Variants in EFCAB6 observed in about 807,000 individuals in gnomAD.
EFCAB6 encodes EF-hand calcium binding domain 6.
In EFCAB6, 156 loss-of-function variants were observed where a neutral mutation model predicts 169.8. That is an observed-to-expected ratio of 0.92 (90% CI 0.81 to 1.05). The LOEUF (loss-of-function observed/expected upper bound fraction) is 1.05. Ranked by LOEUF, EFCAB6 falls within the 50% of genes least tolerant of loss-of-function variation. EFCAB6 has a pLI of 0.00. For synonymous variants in EFCAB6, 698 were observed against 676.4 expected, an observed-to-expected ratio of 1.03 and a Z score of -0.50; for missense variants, 1,800 against 1,829.1, an observed-to-expected ratio of 0.98 and a Z score of 0.29.
At chr22:43,557,863 C>T (rs1403123027) in intron 26 of EFCAB6, among the ~76,000 whole-genome samples, 2 of 152,160 alleles carry the variant, frequency 1.3e-5, no homozygotes, top group Admixed American at 6.5e-5. Context: ...ATTGGCAAAT[C>T]TTTCAATTCC....
chr22:43,622,427 A>G (rs755044946), intron 20 of EFCAB6, among the ~76,000 whole-genome samples: 14 of 152,076 alleles, frequency 9.2e-5, no homozygotes, highest in Admixed American at 1.3e-4. Context: ...TTAGCTGGGC[A>G]TGGTGGTGTG....
chr22:43,747,134 C>T (rs950087485), intron 6 of EFCAB6, among the ~76,000 whole-genome samples: 8 of 152,232 alleles, frequency 5.3e-5, no homozygotes, highest in Non-Finnish European at 1.2e-4. Context: ...GCCTAGCCAG[C>T]CACAGACCAC....
intron 2 of EFCAB6, among the ~76,000 whole-genome samples, chr22:43,784,632 TGTATATGTAC>T (rs2061989125): frequency 2.0e-5 from 1 of 50,284 alleles, no homozygotes; most frequent in African/African-American, 7.5e-5. Flanking sequence ...CACATATATA[TGTATATGTAC>T]ACATATATAT....
In EFCAB6 at chr22:43,755,786, C is replaced by G; in HGVS notation, c.487G>C (p.Glu163Gln). The change falls in exon 6 of 32, where the codon GAA becomes CAA. Residue 163 changes from glutamate (E) to glutamine (Q), a missense_variant. Glu to Gln is a conservative substitution (Grantham distance 29). Coordinates refer to ENST00000262726, the MANE Select transcript of EFCAB6 (RefSeq NM_022785.4). ...MNCCRTLREL[E>Q]IQVGEKVFKN... ...ATTACCTTTTCTCCCACTTGGATTT[C>G]AAGTTCTCTTAATGTGCGGCAGCAA... The G allele has an allele frequency of 1.9e-6, 3 of 1,606,866 alleles. No individual in the cohort carries two copies. Among genetic ancestry groups the G allele is most frequent in the Non-Finnish European group, 2.5e-6 (3 of 1,177,918 alleles).
chr22:43,793,954 CA>C (rs2062404968), intron 2 of EFCAB6, among the ~76,000 whole-genome samples: 1 of 152,086 alleles, frequency 6.6e-6, no homozygotes. Context: ...GCCGTGAAAG[CA>C]AGCATATAGC....
chr22:43,788,791 A>T (rs1399916653), intron 2 of EFCAB6, among the ~76,000 whole-genome samples: 4 of 152,276 alleles, frequency 2.6e-5, no homozygotes, highest in Admixed American at 6.5e-5. Flanking sequence ...AAATATTCAT[A>T]GCAGCATTAT....
At chr22:43,717,066 A>G (rs1218323729) in intron 8 of EFCAB6, 94 bp from the exon 9 acceptor site, 3 of 1,373,452 alleles carry the variant, frequency 2.2e-6, no homozygotes, top group African/African-American at 1.5e-5. Flanking sequence ...TTGGTAAAAA[A>G]GGAAGGCTTG....
intron 27 of EFCAB6, among the ~76,000 whole-genome samples, chr22:43,551,339 G>A (rs948200039): frequency 7.9e-5 from 12 of 152,160 alleles, no homozygotes; most frequent in African/African-American, 2.9e-4. Flanking sequence ...CACAATCTCT[G>A]CTAATCATCC....
chr22:43,595,614 C>T (rs1219374518), intron 23 of EFCAB6, among the ~76,000 whole-genome samples: 1 of 152,036 alleles, frequency 6.6e-6, no homozygotes, highest in East Asian at 1.9e-4. Flanking sequence ...AAAAGTTTCC[C>T]ATCAAAGAAA....
At chr22:43,623,924 AAAAAAAAG>A in intron 20 of EFCAB6, among the ~76,000 whole-genome samples, 1 of 135,412 alleles carries the variant, frequency 7.4e-6, no homozygotes, top group Non-Finnish European at 1.6e-5. Flanking sequence ...AAAAAAAAAG[AAAAAAAAG>A]AAAAAAGAAA....
intron 24 of EFCAB6, among the ~76,000 whole-genome samples, chr22:43,585,849 G>A (rs1443076755): frequency 6.6e-6 from 1 of 152,160 alleles, no homozygotes; most frequent in Non-Finnish European, 1.5e-5. Flanking sequence ...ATGCAACCAA[G>A]AGGAGAGTGG....
intron 20 of EFCAB6, 65 bp from the exon 21 acceptor site, chr22:43,615,987 G>A: frequency 7.3e-7 from 1 of 1,365,800 alleles, no homozygotes; most frequent in Admixed American, 2.0e-5. Flanking sequence ...TCTCCCAAGG[G>A]GTTTCCCTAT....
At chr22:43,553,383 G>C (rs920790053) in intron 27 of EFCAB6, 4 of 152,408 alleles carry the variant, frequency 2.6e-5, no homozygotes, top group African/African-American at 9.6e-5. Context: ...ATGCATTTGA[G>C]AACTAGAGAG....
intron 9 of EFCAB6, among the ~76,000 whole-genome samples, chr22:43,712,612 G>A (rs561673229): frequency 2.6e-5 from 4 of 152,162 alleles, no homozygotes; most frequent in Non-Finnish European, 5.9e-5. Context: ...AACCCAAAGA[G>A]CAGCTAAATT....
intron 10 of EFCAB6, among the ~76,000 whole-genome samples, chr22:43,697,144 A>G (rs1447825157): frequency 6.6e-6 from 1 of 152,230 alleles, no homozygotes; most frequent in East Asian, 1.9e-4. Context: ...GCAGTGTTCA[A>G]TGCTGGCAAG....
chr22:43,755,960 A>C, intron 5 of EFCAB6, 128 bp from the exon 6 acceptor site: 1 of 917,412 alleles, frequency 1.1e-6, no homozygotes, highest in South Asian at 2.1e-5. Flanking sequence ...ATTTCTTACA[A>C]GCTACTGTCT....
In EFCAB6 at chr22:43,576,354, T is replaced by G. The variant is rs760557296; in HGVS notation, c.3363A>C (p.Leu1121=). ...AATATTTCCAATTTATATAGGGGGTTAGATGAATTCTTAGTTTCCTCAAAA... is the reference window on the plus strand; with the variant it reads ...AATATTTCCAATTTATATAGGGGGTGAGATGAATTCTTAGTTTCCTCAAAA... ...HYFLRKLRIH[L]TPYINWKYFL... is the part of the protein sequence containing the mutation. The change falls in exon 26 of 32, where the codon CTA becomes CTC. Residue 1121 remains leucine, a synonymous_variant. Transcript: ENST00000262726. The G allele has an allele frequency of 6.9e-6, 11 of 1,601,334 alleles. No homozygotes were observed. Among genetic ancestry groups the G allele is most frequent in the South Asian group, 2.3e-5 (2 of 87,316 alleles).
chr22:43,708,604 T>C (rs980580363), intron 10 of EFCAB6, among the ~76,000 whole-genome samples: 13 of 152,110 alleles, frequency 8.5e-5, no homozygotes, highest in African/African-American at 3.1e-4. Flanking sequence ...ATATATGCTA[T>C]TTAATAAGAA....
chr22:43,617,570 T>G (rs1476062538), intron 20 of EFCAB6, among the ~76,000 whole-genome samples: 1 of 152,210 alleles, frequency 6.6e-6, no homozygotes, highest in Non-Finnish European at 1.5e-5. Flanking sequence ...TCTTGAGAGA[T>G]CAGGAGGTTT....
Sources: gnomAD v4.1 joint callset for allele counts (sites outside exome capture counted in the v4.1 genomes callset) on GRCh38, gnomAD v4.1.1 for gene constraint, MANE v1.5 for transcripts, NCBI Gene and HGNC (gene_info 2026-07-23, HGNC 2026-07-21) for gene names.